POLK: variants seen among roughly 807,000 people sequenced by gnomAD.
The protein encoded by POLK is polymerase (DNA directed) kappa.
Under a neutral mutation model 94.0 loss-of-function variants are expected in POLK, and 76 were observed. The ratio of observed to expected loss-of-function variants is 0.81; its 90% CI spans 0.67 to 0.98. The LOEUF is 0.98. POLK is among the 50% of genes least tolerant of loss of function. The pLI is 0.00. For missense variants in POLK, 954 were observed against 1,010.1 expected (o/e 0.94, Z 0.75); for synonymous variants, 349 against 325.4 (o/e 1.07, Z -0.78).
At chr5:75,586,231 C>A (rs1168343423) in intron 9 of POLK, among the ~76,000 whole-genome samples, 1 of 152,098 alleles carries the variant, frequency 6.6e-6, no homozygotes, top group Non-Finnish European at 1.5e-5. Context: ...TTCCCTCTGT[C>A]CATATTCTCT....
chr5:75,590,783 T>A (rs1185057825), intron 11 of POLK, among the ~76,000 whole-genome samples: 1 of 152,190 alleles, frequency 6.6e-6, no homozygotes, highest in Non-Finnish European at 1.5e-5. Flanking sequence ...TTCCAGAGAA[T>A]TGTATTCACA....
intron 1 of POLK, among the ~76,000 whole-genome samples, chr5:75,531,267 T>C (rs1769165822): frequency 6.7e-6 from 1 of 150,254 alleles, no homozygotes; most frequent in Non-Finnish European, 1.5e-5. Flanking sequence ...GAAAACAATA[T>C]ATATAGTATA....
chr5:75,573,951 C>T (rs560378280), intron 5 of POLK, 82 bp downstream of exon 5: 315 of 1,423,540 alleles, frequency 2.2e-4, no homozygotes, highest in Non-Finnish European at 2.0e-4. Flanking sequence ...TGCCTTAGCA[C>T]GTAGGATTTG....
chr5:75,597,593 A>G (rs771537107), intron 13 of POLK, 154 bp from the exon 14 acceptor site: 316 of 443,846 alleles, frequency 7.1e-4, no homozygotes, highest in Middle Eastern at 1.8e-3. Flanking sequence ...TTAGTAAATT[A>G]CAAAGAAATT....
exon 4 of POLK, chr5:75,569,351 T>C (rs1210041901): frequency 1.2e-6 from 2 of 1,606,556 alleles, no homozygotes; most frequent in Non-Finnish European, 1.7e-6. Flanking sequence ...TTGACAGATT[T>C]GCAATGGAAT....
At chr5:75,591,721 C>A (rs1772795968) in intron 11 of POLK, among the ~76,000 whole-genome samples, 1 of 152,128 alleles carries the variant, frequency 6.6e-6, no homozygotes. Flanking sequence ...CTTAGTTTTT[C>A]CTTCTTTTTC....
At chr5:75,559,506 TTTTTTTGTTTTGTTTTG>T (rs1194915110) in intron 3 of POLK, among the ~76,000 whole-genome samples, 33 of 146,196 alleles carry the variant, frequency 2.3e-4, no homozygotes, top group African/African-American at 6.8e-4. Context: ...TTGGGGTTTG[TTTTTTTGTTTTGTTTTG>T]TTTTTTTTTT....
chr5:75,590,423 C>T lies in POLK; in HGVS notation c.1339C>T (p.Gln447Ter). 1 of 1,605,272 alleles carries T rather than the reference C, an allele frequency of 6.2e-7. No homozygotes were observed. The highest frequency in any genetic ancestry group is 2.2e-5 in the East Asian group (1 of 44,782). Reference sequence around the variant, plus strand: ...TTGCAGTGAGCTTGCTCAGGATCTACAGAAAGAAAGACTTAAGGTGCTTTA... The same window carrying T: ...TTGCAGTGAGCTTGCTCAGGATCTATAGAAAGAAAGACTTAAGGTGCTTTA... The change falls in exon 11 of 15, where the codon CAG (glutamine) becomes TAG (stop). Residue 447 changes from glutamine to a stop codon, truncating the protein, a stop_gained. Coordinates refer to ENST00000241436, the Ensembl canonical transcript of POLK. LOFTEE classifies it high-confidence loss of function.
At chr5:75,531,862 C>T (rs1040003804) in intron 1 of POLK, among the ~76,000 whole-genome samples, 2 of 151,902 alleles carry the variant, frequency 1.3e-5, no homozygotes, top group African/African-American at 2.4e-5. Flanking sequence ...ATGAGCACAG[C>T]GTAGTTAAAT....
At chr5:75,532,521 A>G (rs1475860622) in intron 1 of POLK, among the ~76,000 whole-genome samples, 1 of 151,616 alleles carries the variant, frequency 6.6e-6, no homozygotes, top group Non-Finnish European at 1.5e-5. Flanking sequence ...TGCCTTTGCT[A>G]TTGTGAATAG....
At chr5:75,594,125 G>A in intron 12 of POLK, 76 bp downstream of exon 12, 1 of 1,108,800 alleles carries the variant, frequency 9.0e-7, no homozygotes, top group Non-Finnish European at 1.3e-6. Context: ...GGAATACAGG[G>A]GGCCCCCAAC....
chr5:75,559,507 T>G (rs936283376), intron 3 of POLK, among the ~76,000 whole-genome samples: 84 of 147,642 alleles, frequency 5.7e-4, no homozygotes, highest in African/African-American at 2.0e-3. Flanking sequence ...TGGGGTTTGT[T>G]TTTTTGTTTT....
upstream of POLK, chr5:75,511,545 A>T: frequency 6.9e-7 from 1 of 1,458,488 alleles, no homozygotes; most frequent in Non-Finnish European, 9.0e-7. Context: ...AAGGGAAAAG[A>T]AGGGAAGAGA....
chr5:75,603,372 A>T (rs1029615577), downstream of POLK, among the ~76,000 whole-genome samples: 2 of 151,236 alleles, frequency 1.3e-5, no homozygotes, highest in African/African-American at 4.9e-5. Context: ...AAACCATCTT[A>T]TGCATTTTTT....
chr5:75,572,670 G>T (rs1344361983), intron 4 of POLK, among the ~76,000 whole-genome samples: 6 of 152,090 alleles, frequency 3.9e-5, no homozygotes, highest in Non-Finnish European at 7.4e-5. Flanking sequence ...GCACAGTCTT[G>T]CTTATACCTG....
intron 12 of POLK, among the ~76,000 whole-genome samples, chr5:75,595,200 C>T (rs2112887737): frequency 7.4e-6 from 1 of 134,474 alleles, no homozygotes; most frequent in Non-Finnish European, 1.5e-5. Flanking sequence ...GAGCTGAGAT[C>T]ACGCTGTTGC....
At chr5:75,531,867 T>C (rs1311589081) in intron 1 of POLK, among the ~76,000 whole-genome samples, 1 of 152,154 alleles carries the variant, frequency 6.6e-6, no homozygotes, top group Non-Finnish European at 1.5e-5. Flanking sequence ...CACAGCGTAG[T>C]TAAATGTCTC....
At chr5:75,553,956 T>G (rs1770462703) in intron 3 of POLK, among the ~76,000 whole-genome samples, 2 of 152,196 alleles carry the variant, frequency 1.3e-5, no homozygotes, top group Non-Finnish European at 2.9e-5. Context: ...TTAAATCATA[T>G]TGTTCCATCA....
At chr5:75,537,977 C>T (rs1378503272) in intron 1 of POLK, among the ~76,000 whole-genome samples, 1 of 152,040 alleles carries the variant, frequency 6.6e-6, no homozygotes, top group Non-Finnish European at 1.5e-5. Context: ...CTGCCTCAGC[C>T]GCCCGAGTAG....
Sources: gnomAD v4.1 joint callset for allele counts (sites outside exome capture counted in the v4.1 genomes callset) on GRCh38, gnomAD v4.1.1 for gene constraint, MANE v1.5 for transcripts, NCBI Gene and HGNC (gene_info 2026-07-23, HGNC 2026-07-21) for gene names.